CELF2: variants seen among roughly 807,000 people sequenced by gnomAD.
CELF2 encodes CUGBP Elav-like family member 2.
Under a neutral mutation model 62.6 loss-of-function variants are expected in CELF2, and 8 were observed. That is an observed-to-expected ratio of 0.13 (90% CI 0.07 to 0.23). The LOEUF is 0.23. CELF2 is among the 10% of genes least tolerant of loss of function. The pLI is 1.00. For synonymous variants in CELF2, 258 were observed against 250.0 expected (o/e 1.03, Z -0.30); for missense variants, 333 against 671.0 (o/e 0.50, Z 5.56).
the CELF2 span, among the ~76,000 whole-genome samples, chr10:10,503,675 CTGTT>C: frequency 6.6e-6 from 1 of 151,906 alleles, no homozygotes; most frequent in Non-Finnish European, 1.5e-5. Flanking sequence ...CTGCCAATCT[CTGTT>C]TGTTACTGGT....
intron 1 of CELF2, among the ~76,000 whole-genome samples, chr10:11,056,870 T>C (rs1421980557): frequency 1.3e-5 from 2 of 152,110 alleles, no homozygotes; most frequent in African/African-American, 4.8e-5. Context: ...GAAAAAGAAG[T>C]CATAGTACTG....
intron 1 of CELF2, among the ~76,000 whole-genome samples, chr10:11,024,960 G>A (rs1380054965): frequency 6.6e-6 from 1 of 152,146 alleles, no homozygotes; most frequent in Non-Finnish European, 1.5e-5. Context: ...TATGCTGAAA[G>A]TCTTGATTTT....
chr10:11,192,889 T>G (rs2076576210), intron 2 of CELF2, among the ~76,000 whole-genome samples: 1 of 152,230 alleles, frequency 6.6e-6, no homozygotes, highest in Admixed American at 6.5e-5. Context: ...GATTCTAACG[T>G]GCAGCCAAGG....
chr10:11,232,123 C>G (rs997133441), intron 3 of CELF2, among the ~76,000 whole-genome samples: 8 of 152,208 alleles, frequency 5.3e-5, no homozygotes, highest in African/African-American at 1.7e-4. Context: ...GGTATATCTC[C>G]TAATGCTATC....
chr10:11,090,866 G>C (rs1173102856), intron 1 of CELF2, among the ~76,000 whole-genome samples: 20 of 152,194 alleles, frequency 1.3e-4, no homozygotes. Context: ...AAAATCATAT[G>C]TGCATATGTA....
chr10:10,730,511 A>G, the CELF2 span, among the ~76,000 whole-genome samples: 2 of 152,180 alleles, frequency 1.3e-5, no homozygotes, highest in Non-Finnish European at 2.9e-5. Context: ...AGGTCTTTTC[A>G]TCATTGTGTT....
the CELF2 span, among the ~76,000 whole-genome samples, chr10:10,600,689 G>A: frequency 1.3e-5 from 2 of 152,060 alleles, no homozygotes; most frequent in Non-Finnish European, 2.9e-5. Flanking sequence ...GAGGACAAAA[G>A]TTGAGCAGAA....
chr10:11,103,165 A>G (rs971300808), intron 1 of CELF2, among the ~76,000 whole-genome samples: 2 of 152,098 alleles, frequency 1.3e-5, no homozygotes, highest in African/African-American at 4.8e-5. Flanking sequence ...TCTTCACCCC[A>G]GCTAGTCACC....
intron 1 of CELF2, among the ~76,000 whole-genome samples, chr10:11,100,679 G>A (rs2051330825): frequency 6.6e-6 from 1 of 152,096 alleles, no homozygotes; most frequent in South Asian, 2.1e-4. Context: ...ATAATGTGCA[G>A]GGTTTTTCCT....
intron 1 of CELF2, among the ~76,000 whole-genome samples, chr10:11,113,990 A>G (rs2055917558): frequency 6.6e-6 from 1 of 152,228 alleles, no homozygotes; most frequent in South Asian, 2.1e-4. Context: ...AAATATCAGC[A>G]GAAGGAATTA....
chr10:10,552,615 T>TG, the CELF2 span, among the ~76,000 whole-genome samples: 8 of 152,036 alleles, frequency 5.3e-5, no homozygotes, highest in Non-Finnish European at 1.0e-4. Flanking sequence ...AGTGTTTTTG[T>TG]GGGGGGCGGT....
the CELF2 span, among the ~76,000 whole-genome samples, chr10:10,521,763 G>T: frequency 2.6e-5 from 4 of 152,166 alleles, no homozygotes; most frequent in Non-Finnish European, 5.9e-5. Context: ...CAAAAGACAT[G>T]ACAGTTAATT....
intron 2 of CELF2, among the ~76,000 whole-genome samples, chr10:11,189,574 C>T (rs946779702): frequency 2.0e-5 from 3 of 152,170 alleles, no homozygotes; most frequent in South Asian, 2.1e-4. Flanking sequence ...CTACTCTTTA[C>T]GGTGAATTCT....
In CELF2 at chr10:11,321,368, G is replaced by A; in HGVS notation, c.1276G>A (p.Ala426Thr). The change falls in exon 11 of 13, where the codon GCA (alanine) becomes ACA (threonine). Residue 426 changes from alanine to threonine, a missense_variant. Physicochemically the swap from Ala to Thr is moderately conservative, Grantham distance 58. Around this residue, in one of 3 missense-constraint regions of CELF2, gnomAD observed 35 missense variants for 128.1 expected, o/e 0.27. Coordinates refer to ENST00000633077, the MANE Select transcript of CELF2 (RefSeq NM_001326342.2). The surrounding 1 kb of genome is among the most constrained non-coding windows in gnomAD (Gnocchi z 6.2). ...GAGCCTGCTGCAGCAGCAGAGCGCT[G>A]CAGGCAGCCAGAAGGAAGGTAGGTG... ...SQSLLQQQSA[A>T]GSQKEGPEGA... The A allele has an allele frequency of 6.2e-7, 1 of 1,606,918 alleles. No individual in the cohort carries two copies. The highest frequency in any genetic ancestry group is 8.5e-7 in the Non-Finnish European group (1 of 1,179,826).
the CELF2 span, among the ~76,000 whole-genome samples, chr10:10,669,430 A>C: frequency 1.3e-5 from 2 of 152,366 alleles, no homozygotes; most frequent in African/African-American, 4.8e-5. Flanking sequence ...AGGTGACATT[A>C]CAGAACTGGA....
At chr10:10,756,095 A>G in the CELF2 span, among the ~76,000 whole-genome samples, 2 of 152,238 alleles carry the variant, frequency 1.3e-5, no homozygotes, top group East Asian at 1.9e-4. Flanking sequence ...AAACCATTTC[A>G]TGTAACACCA....
intron 8 of CELF2, among the ~76,000 whole-genome samples, chr10:11,287,138 C>T (rs1017010941): frequency 1.3e-5 from 2 of 152,174 alleles, no homozygotes; most frequent in African/African-American, 4.8e-5. Flanking sequence ...AAGCAGCTCT[C>T]AGGGCACTCT....
chr10:10,582,833 A>C, the CELF2 span, among the ~76,000 whole-genome samples: 1 of 152,188 alleles, frequency 6.6e-6, no homozygotes, highest in Non-Finnish European at 1.5e-5. Context: ...CTTTCAATGA[A>C]AAAAGTGGTA....
intron 8 of CELF2, among the ~76,000 whole-genome samples, chr10:11,283,161 G>T (rs1403014782): frequency 6.6e-6 from 1 of 152,216 alleles, no homozygotes; most frequent in Admixed American, 6.5e-5. Context: ...GGCTGGAAGG[G>T]ATGACATCTC....
Sources: allele counts gnomAD v4.1 joint callset (sites outside exome capture counted in the v4.1 genomes callset), GRCh38; gene constraint gnomAD v4.1.1; regional missense constraint gnomAD v4.1.1; non-coding constraint Gnocchi (gnomAD v3.1); transcripts MANE v1.5; gene names NCBI Gene and HGNC (gene_info 2026-07-23, HGNC 2026-07-21).